EPHA5: variants seen among roughly 807,000 people sequenced by gnomAD.
The protein encoded by EPHA5 is EPH receptor A5, also known as ephrin type-A receptor 5.
Under a neutral mutation model 105.0 loss-of-function variants are expected in EPHA5, and 60 were observed. The ratio of observed to expected loss-of-function variants is 0.57; its 90% CI spans 0.46 to 0.71. The LOEUF (loss-of-function observed/expected upper bound fraction) is 0.71. EPHA5 is among the 30% of genes least tolerant of loss of function. The probability of loss-of-function intolerance (pLI) is 0.00; values close to 1 mark genes in which losing one functional copy is unlikely to be tolerated. For missense variants in EPHA5, 1,218 were observed against 1,274.7 expected (o/e 0.96, Z 0.68); for synonymous variants, 513 against 449.1 (o/e 1.14, Z -1.80).
At chr4:65,361,949 T>A (rs1361895969) in intron 11 of EPHA5, among the ~76,000 whole-genome samples, 4 of 151,490 alleles carry the variant, frequency 2.6e-5, no homozygotes, top group Non-Finnish European at 4.4e-5. Flanking sequence ...AAATTACAAC[T>A]TTTTTTCCTT....
chr4:65,481,731 G>A (rs1199564146), intron 5 of EPHA5, among the ~76,000 whole-genome samples: 1 of 152,184 alleles, frequency 6.6e-6, no homozygotes, highest in African/African-American at 2.4e-5. Flanking sequence ...GGGAATATGT[G>A]TGAAAATGGA....
chr4:65,589,027 A>G (rs1742385033), intron 3 of EPHA5, among the ~76,000 whole-genome samples: 1 of 152,182 alleles, frequency 6.6e-6, no homozygotes, highest in South Asian at 2.1e-4. Context: ...CCAAGTGCTA[A>G]GCTTTATGAG....
intron 5 of EPHA5, among the ~76,000 whole-genome samples, chr4:65,458,566 TCAC>T (rs1727833956): frequency 6.6e-6 from 1 of 152,120 alleles, no homozygotes; most frequent in East Asian, 1.9e-4. Flanking sequence ...TTCTTAATGT[TCAC>T]ATTAATTTAT....
intron 3 of EPHA5, among the ~76,000 whole-genome samples, chr4:65,595,746 A>G (rs1743112152): frequency 6.6e-6 from 1 of 151,914 alleles, no homozygotes; most frequent in South Asian, 2.1e-4. Flanking sequence ...ACGCCGGGCT[A>G]ATTTTTTGTA....
rs1416879396 is a variant in EPHA5, at chr4:65,465,528, AAAAGAAAGGAAAGGAAGGAAAGG to A, written c.1402+24826_1402+24848del. Among the ~76,000 whole-genome samples, 288 of 76,130 alleles carry A rather than the reference AAAAGAAAGGAAAGGAAGGAAAGG, an allele frequency of 3.8e-3. 1 individual carries two copies. The highest frequency in any genetic ancestry group is 3.3e-3 in the Non-Finnish European group (134 of 40,340). The allele number at this position is 76,130 out of a possible 152,430, so 49.9% of individuals were successfully genotyped here. On this transcript the variant is annotated intron_variant, in intron 5 of 16. Coordinates refer to ENST00000613740, the MANE Select transcript of EPHA5 (RefSeq NM_001281766.3). ...GAAAGAAAGAAAGAAAGAAAGAAAG[AAAAGAAAGGAAAGGAAGGAAAGG>A]AAGGAAAGGAAGGAAAGGAAGGAAA...
chr4:65,476,087 C>A (rs1001698080), intron 5 of EPHA5, among the ~76,000 whole-genome samples: 5 of 145,204 alleles, frequency 3.4e-5, no homozygotes, highest in Admixed American at 6.9e-5. Context: ...ACACTCCCTG[C>A]ATCAAAATCA....
At chr4:65,363,560 C>T (rs757332037) in intron 11 of EPHA5, among the ~76,000 whole-genome samples, 1 of 151,282 alleles carries the variant, frequency 6.6e-6, no homozygotes, top group Non-Finnish European at 1.5e-5. Context: ...CCTGGGGTAA[C>T]GGGATGTCAT....
chr4:65,574,256 T>A, intron 3 of EPHA5: 1 of 1,594,790 alleles, frequency 6.3e-7, no homozygotes, highest in Non-Finnish European at 8.6e-7. Context: ...AAGCTATTCC[T>A]CAGCTCCAGG....
intron 5 of EPHA5, among the ~76,000 whole-genome samples, chr4:65,450,639 C>T (rs1013920046): frequency 1.1e-4 from 16 of 152,056 alleles, no homozygotes; most frequent in African/African-American, 3.4e-4. Flanking sequence ...AACAATTAAA[C>T]CTAGAGATAA....
intron 3 of EPHA5, among the ~76,000 whole-genome samples, chr4:65,552,859 C>A (rs1351504226): frequency 6.6e-6 from 1 of 151,790 alleles, no homozygotes; most frequent in Non-Finnish European, 1.5e-5. Flanking sequence ...AGGAAATATT[C>A]TTTTTTTTAG....
At chr4:65,421,999 A>C (rs1364467246) in intron 5 of EPHA5, among the ~76,000 whole-genome samples, 1 of 152,162 alleles carries the variant, frequency 6.6e-6, no homozygotes, top group Non-Finnish European at 1.5e-5. Context: ...GGGTAAAGAC[A>C]ACAAATAAAT....
In EPHA5 at chr4:65,336,057, C is replaced by A; in HGVS notation, c.2664G>T (p.Gln888His). 6.2e-7 allele frequency: 1 copy of A among 1,613,348 alleles called. No individual in the cohort carries two copies. Among genetic ancestry groups the A allele is most frequent in the Non-Finnish European group, 8.5e-7 (1 of 1,179,594 alleles). Residue 888 changes from glutamine (Q) to histidine (H), a missense_variant, in exon 15 of 17, where the codon CAG becomes CAT. Transcript: ENST00000613740. ...SPMDCPAALYQLMLDCWQKER... is the reference protein window; with the variant it reads ...SPMDCPAALYHLMLDCWQKER... Reference sequence around the variant, plus strand: ...CTTTCTGCCAGCAATCCAGCATTAACTGATAGAGAGCAGCAGGACAATCCA... The same window carrying A: ...CTTTCTGCCAGCAATCCAGCATTAAATGATAGAGAGCAGCAGGACAATCCA...
intron 8 of EPHA5, among the ~76,000 whole-genome samples, chr4:65,375,579 T>G (rs1577954213): frequency 6.6e-6 from 1 of 152,044 alleles, no homozygotes; most frequent in African/African-American, 2.4e-5. Context: ...AGCCATAGAC[T>G]CATAAATGTT....
At chr4:65,390,737 G>T (rs569443604) in intron 8 of EPHA5, among the ~76,000 whole-genome samples, 1 of 152,030 alleles carries the variant, frequency 6.6e-6, no homozygotes, top group South Asian at 2.1e-4. Flanking sequence ...TTATAATAAC[G>T]ATGGCTAAAA....
At chr4:65,331,899 C>T (rs2148797404) in intron 16 of EPHA5, 74 bp downstream of exon 16, 1 of 1,532,316 alleles carries the variant, frequency 6.5e-7, no homozygotes. Context: ...TTTCCCTTAC[C>T]TCATCCAGAT....
intron 3 of EPHA5, among the ~76,000 whole-genome samples, chr4:65,531,270 C>T (rs1406209517): frequency 1.3e-5 from 2 of 151,488 alleles, no homozygotes; most frequent in Non-Finnish European, 2.9e-5. Context: ...ATCTCCTGAC[C>T]TCATGATCCA....
chr4:65,621,780 T>A (rs1007044850), intron 2 of EPHA5, among the ~76,000 whole-genome samples: 1 of 152,146 alleles, frequency 6.6e-6, no homozygotes. Flanking sequence ...GGTTCAGGCA[T>A]GTTTTTGGAT....
At chr4:65,439,449 C>T (rs532492888) in intron 5 of EPHA5, among the ~76,000 whole-genome samples, 1 of 151,126 alleles carries the variant, frequency 6.6e-6, no homozygotes, top group East Asian at 2.0e-4. Context: ...CCCCCGCTGC[C>T]CCATACCCTG....
intron 1 of EPHA5, among the ~76,000 whole-genome samples, chr4:65,645,318 T>G (rs1235978196): frequency 6.6e-6 from 1 of 152,126 alleles, no homozygotes; most frequent in Non-Finnish European, 1.5e-5. Flanking sequence ...ATGATTCATT[T>G]GATTCACCTT....
Sources: allele counts gnomAD v4.1 joint callset (sites outside exome capture counted in the v4.1 genomes callset), GRCh38; gene constraint gnomAD v4.1.1; transcripts MANE v1.5; gene names NCBI Gene and HGNC (gene_info 2026-07-23, HGNC 2026-07-21).